Variants in GALNT13 observed in about 807,000 individuals in gnomAD.
GALNT13 encodes polypeptide N-acetylgalactosaminyltransferase 13.
Under a neutral mutation model 64.2 loss-of-function variants are expected in GALNT13, and 28 were observed. That is an observed-to-expected ratio of 0.44 (90% CI 0.32 to 0.60). The LOEUF (loss-of-function observed/expected upper bound fraction) is 0.60, where lower values mean the gene tolerates loss of function less well. GALNT13 is among the 20% of genes least tolerant of loss of function. The probability of loss-of-function intolerance (pLI) is 0.05; values close to 1 mark genes in which losing one functional copy is unlikely to be tolerated. For missense variants in GALNT13, 577 were observed against 669.8 expected, an observed-to-expected ratio of 0.86 and a Z score of 1.53; for synonymous variants, 214 against 224.6, an observed-to-expected ratio of 0.95 and a Z score of 0.42.
intron 4 of GALNT13, among the ~76,000 whole-genome samples, chr2:154,211,790 G>A (rs1314523920): frequency 6.6e-6 from 1 of 152,052 alleles, no homozygotes; most frequent in Non-Finnish European, 1.5e-5. Flanking sequence ...GGCATTTAAA[G>A]TTATGGTCCT....
At chr2:154,440,505 T>C (rs1205106734) in intron 12 of GALNT13, among the ~76,000 whole-genome samples, 4 of 152,140 alleles carry the variant, frequency 2.6e-5, no homozygotes, top group Non-Finnish European at 1.5e-5. Context: ...ATGATTTCTA[T>C]AAATTTACTC....
In GALNT13 at chr2:154,396,016, T is replaced by C. The variant is rs200938962; in HGVS notation, c.1182T>C (p.Asp394=). 6.8e-6 allele frequency: 11 copies of C among 1,608,682 alleles called. 1 individual carries two copies. Among genetic ancestry groups the C allele is most frequent in the Non-Finnish European group, 9.3e-6 (11 of 1,177,902 alleles). The part of the protein sequence containing the change: ...SPGVVKVDYG[D]VSVRKTLREN... ...GTGTTGTCAAAGTGGATTATGGAGA[T>C]GTGTCAGTCAGAAAAACACTAAGAG... Residue 394 remains aspartate, a synonymous_variant, in exon 10 of 13, where the codon GAT becomes GAC. Coordinates refer to ENST00000392825, the MANE Select transcript of GALNT13 (RefSeq NM_052917.4).
intron 3 of GALNT13, among the ~76,000 whole-genome samples, chr2:154,034,818 ACACCGCTAAT>A (rs1698560661): frequency 7.2e-6 from 1 of 139,288 alleles, no homozygotes; most frequent in Non-Finnish European, 1.5e-5. Flanking sequence ...AAAATGCTCA[ACACCGCTAAT>A]CACAGATAAC....
the GALNT13 span, among the ~76,000 whole-genome samples, chr2:153,538,326 C>CTTTTTTTTTTTTTTTTTTTTTTTATT: frequency 4.0e-5 from 4 of 100,846 alleles, no homozygotes; most frequent in South Asian, 3.3e-4. Flanking sequence ...TTTTTTAATT[C>CTTTTTTTTTTTTTTTTTTTTTTTATT]TTTTTTTTTT....
intron 8 of GALNT13, among the ~76,000 whole-genome samples, chr2:154,301,188 A>G (rs1388418731): frequency 6.6e-6 from 1 of 152,220 alleles, no homozygotes; most frequent in African/African-American, 2.4e-5. Context: ...CATACATTAA[A>G]TGTGTCTTAC....
the GALNT13 span, among the ~76,000 whole-genome samples, chr2:153,524,893 G>A: frequency 3.9e-5 from 6 of 152,282 alleles, no homozygotes; most frequent in East Asian, 7.7e-4. Context: ...GGAGGCACGT[G>A]ATCTGCTGAG....
chr2:154,063,549 T>C (rs1700302876), intron 3 of GALNT13, among the ~76,000 whole-genome samples: 1 of 152,194 alleles, frequency 6.6e-6, no homozygotes, highest in Admixed American at 6.5e-5. Context: ...GCTTGGATTA[T>C]TTTGCTATTA....
the GALNT13 span, among the ~76,000 whole-genome samples, chr2:153,713,373 T>C: frequency 6.6e-6 from 1 of 152,160 alleles, no homozygotes; most frequent in African/African-American, 2.4e-5. Flanking sequence ...GCTACAAACA[T>C]CCTGATTCCA....
At chr2:153,916,101 GTCCTTCCTTCCTCCCTTCCTTCCTTCGT>G in intron 2 of GALNT13, among the ~76,000 whole-genome samples, 1 of 149,904 alleles carries the variant, frequency 6.7e-6, no homozygotes, top group Non-Finnish European at 1.5e-5. Context: ...CCTTCCTTCT[GTCCTTCCTTCCTCCCTTCCTTCCTTCGT>G]TCCTTCCTTC....
At chr2:153,478,795 T>G in the GALNT13 span, 23 of 447,066 alleles carry the variant, frequency 5.1e-5, no homozygotes, top group East Asian at 1.9e-4. Flanking sequence ...GTGGTGCTCG[T>G]TCCCGGCGCT....
At position 154,042,314 on chromosome 2, in the gene GALNT13, G is replaced by A. The variant is rs1031497859; in HGVS notation, c.142+97675G>A. On this transcript the variant is annotated intron_variant, in intron 3 of 12. Transcript: ENST00000392825. ...CAGTCACCTTAGAAATATGTGCTAA[G>A]TACCTCATTATGTGCTGCTCATAAT... Among the ~76,000 whole-genome samples, 4 of 139,804 alleles carry A rather than the reference G, an allele frequency of 2.9e-5. 1 individual carries two copies. The highest frequency in any genetic ancestry group is 4.9e-5 in the Non-Finnish European group (3 of 60,948). The allele number at this position is 139,804 out of a possible 152,430, so 91.7% of individuals were successfully genotyped here.
intron 3 of GALNT13, among the ~76,000 whole-genome samples, chr2:153,966,759 T>A (rs1693389080): frequency 6.6e-6 from 1 of 152,116 alleles, no homozygotes; most frequent in Admixed American, 6.5e-5. Flanking sequence ...TTGGTGTTCT[T>A]TGTTGTTCTA....
chr2:153,499,459 G>T, the GALNT13 span, among the ~76,000 whole-genome samples: 1 of 152,170 alleles, frequency 6.6e-6, no homozygotes, highest in African/African-American at 2.4e-5. Flanking sequence ...TGCTCCCCAT[G>T]CTTCAGGCCG....
chr2:153,305,034 G>A, the GALNT13 span, among the ~76,000 whole-genome samples: 197 of 152,094 alleles, frequency 1.3e-3, 6 homozygotes, highest in East Asian at 0.036. Context: ...ATAATTTTGG[G>A]GGGTAATTTA....
At chr2:153,216,823 T>A in the GALNT13 span, among the ~76,000 whole-genome samples, 1 of 151,950 alleles carries the variant, frequency 6.6e-6, no homozygotes, top group African/African-American at 2.4e-5. Context: ...TTTATCAATT[T>A]TTTTCTTTTG....
At chr2:153,158,489 A>T in the GALNT13 span, among the ~76,000 whole-genome samples, 2 of 152,172 alleles carry the variant, frequency 1.3e-5, no homozygotes, top group Admixed American at 1.3e-4. Flanking sequence ...CTTCACTGTA[A>T]AACAAATTAG....
intron 3 of GALNT13, among the ~76,000 whole-genome samples, chr2:154,080,940 T>G (rs1339575425): frequency 6.6e-6 from 1 of 151,550 alleles, no homozygotes; most frequent in African/African-American, 2.4e-5. Flanking sequence ...GTTTTAAAGT[T>G]TAGTTTTTTG....
the GALNT13 span, among the ~76,000 whole-genome samples, chr2:153,316,807 C>T: frequency 2.6e-5 from 4 of 152,106 alleles, no homozygotes; most frequent in Non-Finnish European, 5.9e-5. Flanking sequence ...AAAAGGGGCC[C>T]GCACAGGTAG....
At chr2:154,434,524 GC>G (rs1318517703) in intron 11 of GALNT13, among the ~76,000 whole-genome samples, 3 of 152,138 alleles carry the variant, frequency 2.0e-5, no homozygotes, top group Admixed American at 2.0e-4. Context: ...CTCCCAAACT[GC>G]TGGGATTAAG....
Sources: gnomAD v4.1 joint callset for allele counts (sites outside exome capture counted in the v4.1 genomes callset) on GRCh38, gnomAD v4.1.1 for gene constraint, MANE v1.5 for transcripts, NCBI Gene and HGNC (gene_info 2026-07-23, HGNC 2026-07-21) for gene names.